The following RAPGEF1 variants were observed in gnomAD, a reference collection of about 807,000 sequenced individuals.
The protein encoded by RAPGEF1 is Rap guanine nucleotide exchange factor 1, also known as CRK SH3-binding GNRP.
A neutral mutation model predicts 143.3 loss-of-function variants in RAPGEF1; 33 were observed. That is an observed-to-expected ratio of 0.23 (90% CI 0.17 to 0.31). RAPGEF1 has a LOEUF of 0.31. Ranked by LOEUF, RAPGEF1 falls within the 10% of genes least tolerant of loss-of-function variation. The probability of loss-of-function intolerance (pLI) is 1.00; values close to 1 mark genes in which losing one functional copy is unlikely to be tolerated. For missense variants in RAPGEF1, 1,199 were observed against 1,645.4 expected (o/e 0.73, Z 4.69); for synonymous variants, 629 against 676.5 (o/e 0.93, Z 1.09).
At chr9:131,649,552 T>A (rs528221858) in intron 3 of RAPGEF1, among the ~76,000 whole-genome samples, 154 of 152,288 alleles carry the variant, frequency 1.0e-3, no homozygotes, top group African/African-American at 3.4e-3. Flanking sequence ...ATAGATCCAG[T>A]TTCCTTTTTG....
Position 131,605,011 on chromosome 9 carries a change from C to T in RAPGEF1, c.2239G>A (p.Gly747Arg), listed in dbSNP as rs769992550. 2.0e-5 allele frequency: 27 copies of T among 1,358,450 alleles called. No individual in the cohort carries two copies. In the East Asian group the frequency reaches 3.2e-4, roughly 16 times the overall value. The allele number at this position is 1,358,450 out of a possible 1,614,324, so 84.1% of individuals were successfully genotyped here. A position where few individuals can be genotyped will look rare whatever the true frequency, so the allele number is the denominator to read the frequency against. ...CTCTCCTGAGAAGCCGAGAGAGGCC[C>T]GTCCACGGTGCTGGGAGGTGGACCG... ...MAGPPPSTVD[G>R]PLSASQESSF... The change falls in exon 13 of 27, where the codon GGG becomes AGG. Residue 747 changes from glycine (G) to arginine (R), a missense_variant. Transcript: ENST00000683357.
chr9:131,618,683 G>A (rs1419116857), intron 12 of RAPGEF1, among the ~76,000 whole-genome samples: 3 of 152,058 alleles, frequency 2.0e-5, no homozygotes, highest in Non-Finnish European at 4.4e-5. Flanking sequence ...TGAGGAGTGG[G>A]GACTACAGGT....
At chr9:131,662,276 T>G (rs1054084627) in intron 1 of RAPGEF1, among the ~76,000 whole-genome samples, 1 of 152,212 alleles carries the variant, frequency 6.6e-6, no homozygotes, top group Non-Finnish European at 1.5e-5. Context: ...TAAGCCCACC[T>G]TCTCCTCCAG....
chr9:131,731,022 A>G (rs945111470), intron 1 of RAPGEF1, among the ~76,000 whole-genome samples: 12 of 152,180 alleles, frequency 7.9e-5, no homozygotes, highest in African/African-American at 2.7e-4. Context: ...TAATATCAGA[A>G]TCAATAAAAA....
At chr9:131,609,000 G>A (rs1331495547) in intron 12 of RAPGEF1, among the ~76,000 whole-genome samples, 1 of 152,206 alleles carries the variant, frequency 6.6e-6, no homozygotes, top group Admixed American at 6.5e-5. Flanking sequence ...TCTCTGTGCA[G>A]CAGGAACTTT....
At chr9:131,738,402 A>T (rs565516239) in intron 1 of RAPGEF1, among the ~76,000 whole-genome samples, 2 of 152,262 alleles carry the variant, frequency 1.3e-5, no homozygotes, top group South Asian at 4.1e-4. Flanking sequence ...TTATTTCTGG[A>T]GCAGCAGGTG....
chr9:131,671,694 A>T (rs1831419801), intron 1 of RAPGEF1, among the ~76,000 whole-genome samples: 1 of 152,168 alleles, frequency 6.6e-6, no homozygotes, highest in South Asian at 2.1e-4. Context: ...GAGGCCCTGG[A>T]ACCGAGACTG....
At chr9:131,672,947 T>G (rs565938918) in intron 1 of RAPGEF1, among the ~76,000 whole-genome samples, 2 of 152,272 alleles carry the variant, frequency 1.3e-5, no homozygotes, top group South Asian at 2.1e-4. Context: ...GAAGCCCTAC[T>G]GCGTGTGTGG....
chr9:131,652,237 T>TA (rs59981495), intron 1 of RAPGEF1, among the ~76,000 whole-genome samples: 37,202 of 151,970 alleles, frequency 0.24, 5,036 homozygotes, highest in Non-Finnish European at 0.31. Flanking sequence ...ACTTTTAATT[T>TA]AAAAAAAACA....
intron 17 of RAPGEF1, among the ~76,000 whole-genome samples, chr9:131,594,494 GCC>G (rs1418529091): frequency 6.6e-6 from 1 of 152,184 alleles, no homozygotes; most frequent in East Asian, 1.9e-4. Context: ...TCCCTGCCAA[GCC>G]CTGCTTGGCA....
chr9:131,689,781 G>A (rs892302952), intron 1 of RAPGEF1, among the ~76,000 whole-genome samples: 7 of 152,258 alleles, frequency 4.6e-5, no homozygotes, highest in South Asian at 2.1e-4. Flanking sequence ...CAGGCAATCC[G>A]ACCGCCTCGG....
At chr9:131,632,606 T>G (rs1458619468) in intron 5 of RAPGEF1, among the ~76,000 whole-genome samples, 1 of 152,186 alleles carries the variant, frequency 6.6e-6, no homozygotes, top group Non-Finnish European at 1.5e-5. Context: ...ATCAATTACA[T>G]AAGTCATGAT....
intron 12 of RAPGEF1, among the ~76,000 whole-genome samples, chr9:131,609,330 G>A (rs889872870): frequency 4.6e-5 from 7 of 152,320 alleles, no homozygotes; most frequent in Admixed American, 2.0e-4. Flanking sequence ...GGGAGACCAC[G>A]TGCCTAATAA....
At chr9:131,595,913 G>A (rs1408281269) in intron 17 of RAPGEF1, among the ~76,000 whole-genome samples, 1 of 152,182 alleles carries the variant, frequency 6.6e-6, no homozygotes, top group Non-Finnish European at 1.5e-5. Flanking sequence ...CTAATGGTCT[G>A]CAACAATAGA....
chr9:131,615,766 T>C (rs1304434826), intron 12 of RAPGEF1, among the ~76,000 whole-genome samples: 2 of 152,166 alleles, frequency 1.3e-5, no homozygotes, highest in Non-Finnish European at 2.9e-5. Flanking sequence ...TTGCTTTCCC[T>C]GTCCTTTAGC....
At chr9:131,603,295 G>A (rs182028498) in intron 14 of RAPGEF1, among the ~76,000 whole-genome samples, 1 of 152,348 alleles carries the variant, frequency 6.6e-6, no homozygotes, top group African/African-American at 2.4e-5. Context: ...GCTCATGGGG[G>A]GAGCAATTTC....
chr9:131,670,732 G>A (rs992937981), intron 1 of RAPGEF1, among the ~76,000 whole-genome samples: 1 of 152,236 alleles, frequency 6.6e-6, no homozygotes, highest in African/African-American at 2.4e-5. Flanking sequence ...TGGGAGGTGG[G>A]ATTATGGGTG....
At chr9:131,704,924 T>C (rs1834935020) in intron 1 of RAPGEF1, among the ~76,000 whole-genome samples, 1 of 152,218 alleles carries the variant, frequency 6.6e-6, no homozygotes, top group Non-Finnish European at 1.5e-5. Flanking sequence ...AACTAAATGT[T>C]GATTCTTTAG....
At chr9:131,629,039 G>A in intron 7 of RAPGEF1, 63 bp downstream of exon 7, 27 of 1,565,542 alleles carry the variant, frequency 1.7e-5, no homozygotes, top group Non-Finnish European at 2.2e-5. Flanking sequence ...CCCGAGCCCT[G>A]TCTTCCTCCC....
Sources: allele counts gnomAD v4.1 joint callset (sites outside exome capture counted in the v4.1 genomes callset), GRCh38; gene constraint gnomAD v4.1.1; transcripts MANE v1.5; gene names NCBI Gene and HGNC (gene_info 2026-07-23, HGNC 2026-07-21).